Variants in BCKDHB observed in about 807,000 individuals in gnomAD.
BCKDHB encodes the protein 2-oxoisovalerate dehydrogenase subunit beta, mitochondrial.
BCKDHB carries 41 observed loss-of-function variants against 48.5 expected under a neutral mutation model. The observed-to-expected ratio is 0.85, with a 90% CI of 0.66 to 1.10. The LOEUF is 1.10. Among genes scored for constraint, BCKDHB ranks in the 50% least tolerant of loss-of-function variants. The pLI is 0.00. For synonymous variants in BCKDHB, 201 were observed against 174.8 expected (o/e 1.15, Z -1.18); for missense variants, 496 against 494.2 (o/e 1.00, Z -0.03).
intron 6 of BCKDHB, among the ~76,000 whole-genome samples, chr6:80,184,905 C>T (rs1358492860): frequency 3.3e-5 from 5 of 152,104 alleles, no homozygotes; most frequent in African/African-American, 2.4e-5. Context: ...ACTTGATGAC[C>T]ACGTGCCTAG....
chr6:80,304,911 G>T (rs758631629), intron 9 of BCKDHB, among the ~76,000 whole-genome samples: 1 of 152,022 alleles, frequency 6.6e-6, no homozygotes, highest in Non-Finnish European at 1.5e-5. Context: ...ACCTGATAAA[G>T]GTTATCTACC....
At chr6:80,416,343 G>T in the BCKDHB span, among the ~76,000 whole-genome samples, 4 of 150,954 alleles carry the variant, frequency 2.6e-5, no homozygotes, top group African/African-American at 9.7e-5. Context: ...TTTGCTCTTG[G>T]TTTTTTAGTT....
At chr6:80,248,937 T>TTG (rs1467417122) in intron 8 of BCKDHB, among the ~76,000 whole-genome samples, 13 of 150,062 alleles carry the variant, frequency 8.7e-5, no homozygotes, top group Non-Finnish European at 1.8e-4. Flanking sequence ...TGTATGTGTA[T>TTG]TGTGTGTGTG....
chr6:80,394,720 G>C, the BCKDHB span, among the ~76,000 whole-genome samples: 1 of 152,090 alleles, frequency 6.6e-6, no homozygotes, highest in East Asian at 1.9e-4. Context: ...CTGCTTTTGG[G>C]CCAGTGTATT....
chr6:80,460,721 C>T, the BCKDHB span, among the ~76,000 whole-genome samples: 9 of 152,162 alleles, frequency 5.9e-5, no homozygotes, highest in African/African-American at 2.2e-4. Flanking sequence ...CCCACAGTGA[C>T]TCAAAACTCT....
chr6:80,108,893 C>T (rs1258211251), intron 1 of BCKDHB, among the ~76,000 whole-genome samples: 4 of 152,118 alleles, frequency 2.6e-5, no homozygotes, highest in Non-Finnish European at 5.9e-5. Flanking sequence ...ACAAAAATCA[C>T]CACCCACTGC....
chr6:80,441,433 A>G, the BCKDHB span, among the ~76,000 whole-genome samples: 2 of 152,206 alleles, frequency 1.3e-5, no homozygotes, highest in Admixed American at 1.3e-4. Flanking sequence ...ATATCACAAG[A>G]GAACCTGCCA....
chr6:80,229,614 A>G (rs1485137940), intron 8 of BCKDHB, among the ~76,000 whole-genome samples: 1 of 152,206 alleles, frequency 6.6e-6, no homozygotes, highest in Non-Finnish European at 1.5e-5. Context: ...AAGAGTTGTT[A>G]TTAAAAAAAA....
intron 8 of BCKDHB, among the ~76,000 whole-genome samples, chr6:80,270,116 G>C (rs1777673986): frequency 6.6e-6 from 1 of 151,980 alleles, no homozygotes; most frequent in Non-Finnish European, 1.5e-5. Context: ...CAGTCTTCAG[G>C]AATTTTATCA....
chr6:80,389,356 A>T, the BCKDHB span, among the ~76,000 whole-genome samples: 1 of 152,186 alleles, frequency 6.6e-6, no homozygotes, highest in Non-Finnish European at 1.5e-5. Flanking sequence ...AGCAGCAGAG[A>T]CCAACACTGA....
chr6:80,213,877 A>G (rs2127846779), intron 8 of BCKDHB, among the ~76,000 whole-genome samples: 1 of 152,184 alleles, frequency 6.6e-6, no homozygotes, highest in East Asian at 1.9e-4. Flanking sequence ...GTCTCAAGAT[A>G]TTTTAGGGGT....
At chr6:80,137,363 A>G (rs553898953) in intron 3 of BCKDHB, among the ~76,000 whole-genome samples, 4 of 152,128 alleles carry the variant, frequency 2.6e-5, no homozygotes, top group Admixed American at 2.6e-4. Flanking sequence ...AGAATTTCTC[A>G]GCCTGTCAGC....
rs143128778 is a variant in BCKDHB at position 80,174,141 on chromosome 6, G to A, written c.742+2751G>A. On this transcript the variant is annotated intron_variant, in intron 6 of 9. Coordinates refer to ENST00000320393, the MANE Select transcript of BCKDHB (RefSeq NM_183050.4). ...TACATCCCTTCTTTTTAAATTTCTT[G>A]TGTACATTTGGGAATAGTTAAAATT... Among the ~76,000 whole-genome samples the A allele has an allele frequency of 1.7e-3, 266 of 152,100 alleles. 1 individual carries two copies. The highest frequency in any genetic ancestry group is 6.0e-3 in the African/African-American group (251 of 41,496).
chr6:80,338,712 T>C (rs922106217), intron 9 of BCKDHB, among the ~76,000 whole-genome samples: 1 of 152,176 alleles, frequency 6.6e-6, no homozygotes, highest in Non-Finnish European at 1.5e-5. Flanking sequence ...ATTATAAATA[T>C]GGGATTCCTT....
At chr6:80,394,614 A>G in the BCKDHB span, among the ~76,000 whole-genome samples, 2 of 152,114 alleles carry the variant, frequency 1.3e-5, no homozygotes, top group African/African-American at 4.8e-5. Context: ...GTGGTGTGGG[A>G]GAGGTTTGTC....
rs190822671 is a variant in BCKDHB at position 80,120,476 on chromosome 6, C to T, written c.197-7071C>T. 7.2e-5 allele frequency among the ~76,000 whole-genome samples: 11 copies of T among 152,280 alleles called. No homozygotes were observed. In the East Asian group the frequency reaches 2.1e-3, roughly 29 times the overall value. ...TGGTTGAACCAATTTACACTCCCACCAAGAGTGTAAAAGTGTTCCTATTTC... is the reference window on the plus strand; with the variant it reads ...TGGTTGAACCAATTTACACTCCCACTAAGAGTGTAAAAGTGTTCCTATTTC... On this transcript the variant is annotated intron_variant, in intron 1 of 9. Coordinates refer to ENST00000320393, the MANE Select transcript of BCKDHB (RefSeq NM_183050.4).
chr6:80,442,973 T>C, the BCKDHB span, among the ~76,000 whole-genome samples: 1 of 152,176 alleles, frequency 6.6e-6, no homozygotes, highest in South Asian at 2.1e-4. Flanking sequence ...GGCATTAGGC[T>C]GTGCCATCTG....
chr6:80,267,368 G>T (rs1777556425), intron 8 of BCKDHB, among the ~76,000 whole-genome samples: 1 of 152,064 alleles, frequency 6.6e-6, no homozygotes, highest in Non-Finnish European at 1.5e-5. Context: ...AAATTCTACT[G>T]GGAAATGGTT....
At chr6:80,302,761 G>A (rs1337469674) in intron 9 of BCKDHB, among the ~76,000 whole-genome samples, 1 of 152,140 alleles carries the variant, frequency 6.6e-6, no homozygotes, top group African/African-American at 2.4e-5. Flanking sequence ...TGGATTTGTT[G>A]TTTTGTCCCA....
Sources: allele counts gnomAD v4.1 joint callset (sites outside exome capture counted in the v4.1 genomes callset), GRCh38; gene constraint gnomAD v4.1.1; transcripts MANE v1.5; gene names NCBI Gene and HGNC (gene_info 2026-07-23, HGNC 2026-07-21).